The following RASSF3 variants were observed in gnomAD, a reference collection of about 807,000 sequenced individuals.
The protein encoded by RASSF3 is ras association domain-containing protein 3.
RASSF3 carries 19 observed loss-of-function variants against 19.9 expected under a neutral mutation model. That is an observed-to-expected ratio of 0.96 (90% confidence interval 0.67 to 1.40). RASSF3 has a LOEUF of 1.40. Among genes scored for constraint, RASSF3 ranks in the 40% most tolerant of loss-of-function variants. RASSF3 has a pLI of 0.00. For missense variants in RASSF3, 306 were observed against 289.8 expected (o/e 1.06, Z -0.41); for synonymous variants, 110 against 104.2 (o/e 1.06, Z -0.34).
At chr12:64,676,166 A>ATTTTTT (rs35376691) in intron 1 of RASSF3, among the ~76,000 whole-genome samples, 3 of 106,402 alleles carry the variant, frequency 2.8e-5, no homozygotes, top group Admixed American at 1.1e-4. Context: ...CAGGAGTAGA[A>ATTTTTT]TTTTTTTTTT....
chr12:64,604,336 G>T (rs1870147902), intron 2 of RASSF3, among the ~76,000 whole-genome samples: 1 of 151,964 alleles, frequency 6.6e-6, no homozygotes, highest in African/African-American at 2.4e-5. Flanking sequence ...ATGTTGTCCA[G>T]GCTGGTCTCC....
intron 2 of RASSF3, among the ~76,000 whole-genome samples, chr12:64,549,823 G>GA (rs1469850573): frequency 6.6e-6 from 1 of 152,162 alleles, no homozygotes; most frequent in East Asian, 1.9e-4. Context: ...CGGATTCAAA[G>GA]AAAAACAATA....
intron 1 of RASSF3, among the ~76,000 whole-genome samples, chr12:64,657,614 C>T (rs1872206682): frequency 2.6e-5 from 4 of 152,212 alleles, no homozygotes; most frequent in Admixed American, 2.6e-4. Context: ...ATGCCCAGGG[C>T]AGGTCTCTGC....
Position 64,676,881 on chromosome 12 carries a change from G to A in RASSF3, c.112-7906G>A, listed in dbSNP as rs756816656. The stretch of plus-strand genomic sequence containing the variant: ...TCTCCTGGGCTCAAGTGATCCTCCT[G>A]CCTCAGCCTCCCAAGTAGCTGTGAC... On this transcript the variant is annotated intron_variant, in intron 1 of 4. Coordinates refer to ENST00000542104, the MANE Select transcript of RASSF3 (RefSeq NM_178169.4). 5.9e-4 allele frequency among the ~76,000 whole-genome samples: 90 copies of A among 151,824 alleles called. 1 individual carries two copies. The highest frequency in any genetic ancestry group is 9.6e-4 in the Non-Finnish European group (65 of 67,984).
At chr12:64,634,229 G>T (rs931260192) in intron 1 of RASSF3, among the ~76,000 whole-genome samples, 1 of 151,868 alleles carries the variant, frequency 6.6e-6, no homozygotes, top group African/African-American at 2.4e-5. Flanking sequence ...TAAACTAGGA[G>T]ATGAACAAGG....
intron 2 of RASSF3, among the ~76,000 whole-genome samples, chr12:64,596,778 G>A (rs990211692): frequency 2.0e-5 from 3 of 152,138 alleles, no homozygotes; most frequent in African/African-American, 7.2e-5. Context: ...TGCCCAGGCT[G>A]GAGTGCAATG....
intron 2 of RASSF3, among the ~76,000 whole-genome samples, chr12:64,556,339 G>A (rs924525139): frequency 2.0e-5 from 3 of 151,962 alleles, no homozygotes; most frequent in Non-Finnish European, 4.4e-5. Context: ...TATTTTTTTT[G>A]TAGAGATGGG....
At chr12:64,513,272 C>T (rs993519534) in intron 1 of RASSF3, among the ~76,000 whole-genome samples, 5 of 151,862 alleles carry the variant, frequency 3.3e-5, no homozygotes, top group African/African-American at 9.7e-5. Flanking sequence ...TGGCAAAACC[C>T]GTCTCTACTA....
chr12:64,604,803 A>G (rs1870158729), intron 2 of RASSF3, among the ~76,000 whole-genome samples: 1 of 149,666 alleles, frequency 6.7e-6, no homozygotes, highest in Non-Finnish European at 1.5e-5. Flanking sequence ...GTGCCCAGCT[A>G]ATTTTTTGTA....
intron 1 of RASSF3, among the ~76,000 whole-genome samples, chr12:64,518,436 C>T (rs954406196): frequency 1.3e-5 from 2 of 152,186 alleles, no homozygotes; most frequent in African/African-American, 2.4e-5. Flanking sequence ...GTGTATCACA[C>T]GGCAAGAGGG....
intron 1 of RASSF3, among the ~76,000 whole-genome samples, chr12:64,660,050 A>ATG (rs925260114): frequency 5.1e-5 from 5 of 98,738 alleles, no homozygotes; most frequent in South Asian, 3.5e-4. Context: ...ATGTGTGTGT[A>ATG]TGTATATATA....
At chr12:64,593,404 T>G (rs1869953868) in intron 2 of RASSF3, among the ~76,000 whole-genome samples, 1 of 152,164 alleles carries the variant, frequency 6.6e-6, no homozygotes, top group African/African-American at 2.4e-5. Context: ...GTATTTTTAG[T>G]AGAGACAGGG....
chr12:64,581,591 T>G (rs1047566806), intron 2 of RASSF3, among the ~76,000 whole-genome samples: 3 of 152,062 alleles, frequency 2.0e-5, no homozygotes, highest in African/African-American at 7.2e-5. Context: ...TGGTGGTGTA[T>G]GCCTGCGGTT....
chr12:64,618,704 A>G (rs1370208599), intron 1 of RASSF3, among the ~76,000 whole-genome samples: 1 of 152,204 alleles, frequency 6.6e-6, no homozygotes, highest in Non-Finnish European at 1.5e-5. Context: ...CCCATAAAAA[A>G]TGATGAGTAT....
chr12:64,554,280 T>C (rs770894529), intron 2 of RASSF3, among the ~76,000 whole-genome samples: 21 of 152,122 alleles, frequency 1.4e-4, no homozygotes, highest in Non-Finnish European at 2.4e-4. Context: ...GCAAATTCAG[T>C]AGATTGAAAT....
At chr12:64,557,846 G>T (rs937298050) in intron 2 of RASSF3, among the ~76,000 whole-genome samples, 2 of 152,146 alleles carry the variant, frequency 1.3e-5, no homozygotes, top group South Asian at 2.1e-4. Context: ...ATGACCAGTG[G>T]ATCCCATGGT....
chr12:64,604,128 T>C (rs1271243838), intron 2 of RASSF3, among the ~76,000 whole-genome samples: 1 of 150,036 alleles, frequency 6.7e-6, no homozygotes, highest in Non-Finnish European at 1.5e-5. Flanking sequence ...TTACAGGTTT[T>C]CTTTTTTTTT....
At chr12:64,622,647 T>G (rs1249816765) in intron 1 of RASSF3, 3 of 321,286 alleles carry the variant, frequency 9.3e-6, no homozygotes, top group African/African-American at 6.8e-5. Context: ...TTGCTTAATC[T>G]CTTTTATTCT....
intron 4 of RASSF3, among the ~76,000 whole-genome samples, chr12:64,693,763 T>C (rs894963195): frequency 2.0e-5 from 3 of 152,084 alleles, no homozygotes; most frequent in Non-Finnish European, 2.9e-5. Context: ...GCTAAATAAG[T>C]ACTAGGAGCT....
Sources: gnomAD v4.1 joint callset for allele counts (sites outside exome capture counted in the v4.1 genomes callset) on GRCh38, gnomAD v4.1.1 for gene constraint, MANE v1.5 for transcripts, NCBI Gene and HGNC (gene_info 2026-07-23, HGNC 2026-07-21) for gene names.